The following STXBP4 variants were observed in gnomAD, a reference collection of about 807,000 sequenced individuals.
STXBP4 encodes the protein syntaxin binding protein 4.
In STXBP4, 55 loss-of-function variants were observed where a neutral mutation model predicts 76.1. The observed-to-expected ratio is 0.72, with a 90% CI of 0.58 to 0.91. The LOEUF is 0.91. Ranked by LOEUF, STXBP4 falls within the 40% of genes least tolerant of loss-of-function variation. STXBP4 has a pLI of 0.00. For missense variants in STXBP4, 618 were observed against 636.9 expected (o/e 0.97, Z 0.32); for synonymous variants, 201 against 220.2 (o/e 0.91, Z 0.77).
At position 55,169,780 on chromosome 17, in the gene STXBP4, G is replaced by A. The variant is rs2080396323; in HGVS notation, c.*9869G>A. 1 of 152,146 alleles carries A rather than the reference G, an allele frequency of 6.6e-6. No individual in the cohort carries two copies. Among genetic ancestry groups the A allele is most frequent in the African/African-American group, 2.4e-5 (1 of 41,430 alleles). 9.4% of individuals were successfully genotyped at this position (152,146 alleles called of 1,614,324 possible). A position where few individuals can be genotyped will look rare whatever the true frequency, so the allele number is the denominator to read the frequency against. ...TAAAAACCCTAACATGAAATACTTA[G>A]AAGAGATCAAGTGGTTTGTCCCTGG... On this transcript the variant is annotated 3_prime_UTR_variant, in exon 18 of 18. Coordinates refer to ENST00000376352, the MANE Select transcript of STXBP4 (RefSeq NM_178509.6).
chr17:55,139,806 G>C (rs2080075525), intron 16 of STXBP4, among the ~76,000 whole-genome samples: 1 of 152,098 alleles, frequency 6.6e-6, no homozygotes, highest in Non-Finnish European at 1.5e-5. Context: ...GAAACTTCAA[G>C]GTGGCCTGTG....
At chr17:55,175,996 T>G (rs2080428844), downstream of STXBP4, among the ~76,000 whole-genome samples, 1 of 152,194 alleles carries the variant, frequency 6.6e-6, no homozygotes. Flanking sequence ...GGGGAATAAT[T>G]GGCACAGGAG....
Position 55,013,899 on chromosome 17 carries a change from A to G in STXBP4, c.666+6302A>G, listed in dbSNP as rs1371519175. 2.6e-5 allele frequency among the ~76,000 whole-genome samples: 4 copies of G among 152,114 alleles called. No individual in the cohort carries two copies. In the South Asian group the frequency reaches 6.2e-4, roughly 24 times the overall value. On this transcript the variant is annotated intron_variant, in intron 8 of 17. Coordinates refer to ENST00000376352, the MANE Select transcript of STXBP4 (RefSeq NM_178509.6). ...AGAGTCAGGATGTACAGGGATGCAG[A>G]AAAAGACATCCTTAAGGTCCAGGAC... is the stretch of plus-strand genomic sequence containing the variant.
intron 16 of STXBP4, among the ~76,000 whole-genome samples, chr17:55,081,989 A>G (rs1298789896): frequency 6.6e-6 from 1 of 152,096 alleles, no homozygotes; most frequent in Non-Finnish European, 1.5e-5. Context: ...CCCTTTTTCT[A>G]ACTACTTCTT....
chr17:55,195,118 C>T, the STXBP4 span, among the ~76,000 whole-genome samples: 4 of 152,318 alleles, frequency 2.6e-5, no homozygotes, highest in Admixed American at 2.6e-4. Flanking sequence ...TATGGGTCAA[C>T]AGTCAGCGTG....
intron 13 of STXBP4, among the ~76,000 whole-genome samples, chr17:55,076,038 T>C (rs1048741954): frequency 1.3e-5 from 2 of 152,174 alleles, no homozygotes; most frequent in Non-Finnish European, 2.9e-5. Context: ...TAGTTGTCTT[T>C]TTCATGTAGA....
chr17:55,078,715 T>C lies in STXBP4; in HGVS notation c.1335T>C (p.Ser445=). 6 of 1,562,750 alleles carry C rather than the reference T, an allele frequency of 3.8e-6. No individual in the cohort carries two copies. The highest frequency in any genetic ancestry group is 5.3e-6 in the Non-Finnish European group (6 of 1,134,900). Reference sequence around the variant, plus strand: ...TTCAAGAAGTATTTTCTGATAATTCTACTCCTTTATCAAATTTAAGGTAAG... The same window carrying C: ...TTCAAGAAGTATTTTCTGATAATTCCACTCCTTTATCAAATTTAAGGTAAG... ...EAIQEVFSDN[S]TPLSNLSERR... The change falls in exon 15 of 18, where the codon TCT becomes TCC. Residue 445 remains serine, a synonymous_variant. Transcript: ENST00000376352.
chr17:55,126,508 T>C (rs1310800619), intron 16 of STXBP4, among the ~76,000 whole-genome samples: 1 of 151,976 alleles, frequency 6.6e-6, no homozygotes, highest in East Asian at 1.9e-4. Context: ...ATTTCTGGGG[T>C]GGTGGTAATA....
At chr17:55,128,903 C>G (rs1019061710) in intron 16 of STXBP4, among the ~76,000 whole-genome samples, 3 of 149,342 alleles carry the variant, frequency 2.0e-5, no homozygotes, top group African/African-American at 7.5e-5. Context: ...GTGTGAGCCA[C>G]TGCGTCCAGC....
Position 55,012,929 on chromosome 17 carries a change from T to C in STXBP4, c.666+5332T>C, listed in dbSNP as rs549381279. On this transcript the variant is annotated intron_variant, in intron 8 of 17. Coordinates refer to ENST00000376352, the MANE Select transcript of STXBP4 (RefSeq NM_178509.6). ...CTTCATTGTCTGGAAGAAATGTGAC[T>C]GGGTTAAGAGTTGCACAAGTGCACA... Among the ~76,000 whole-genome samples, 5 of 152,334 alleles carry C rather than the reference T, an allele frequency of 3.3e-5. No homozygotes were observed. The South Asian group carries it at 1.0e-3, about 32-fold the overall frequency.
chr17:55,125,957 G>T (rs1330292568), intron 16 of STXBP4, among the ~76,000 whole-genome samples: 1 of 152,076 alleles, frequency 6.6e-6, no homozygotes, highest in Admixed American at 6.6e-5. Context: ...AAGCTTCTGG[G>T]TCTGACCCCA....
At chr17:55,195,650 G>T in the STXBP4 span, among the ~76,000 whole-genome samples, 4 of 152,116 alleles carry the variant, frequency 2.6e-5, no homozygotes, top group African/African-American at 9.7e-5. Context: ...TGCCCAGGCT[G>T]GTCTTGAACT....
chr17:55,058,289 T>C (rs1456803028), intron 12 of STXBP4, among the ~76,000 whole-genome samples: 1 of 152,210 alleles, frequency 6.6e-6, no homozygotes, highest in African/African-American at 2.4e-5. Context: ...TTGATTTGCG[T>C]TTCTCTGATG....
In STXBP4 at chr17:55,173,051, C is replaced by T. The variant is rs935584626; in HGVS notation, c.*13140C>T. The T allele has an allele frequency of 2.7e-4, 41 of 152,242 alleles. No homozygotes were observed. The highest frequency in any genetic ancestry group is 9.2e-4 in the African/African-American group (38 of 41,464). The allele number at this position is 152,242 out of a possible 1,614,324, so 9.4% of individuals were successfully genotyped here. On this transcript the variant is annotated 3_prime_UTR_variant, in exon 18 of 18. Coordinates refer to ENST00000376352, the MANE Select transcript of STXBP4 (RefSeq NM_178509.6). Reference sequence around the variant, plus strand: ...AAGGAAAGAGAAGTAACTGTGTCTCCTTCCCCAACCATGTATGTGATACAT... The same window carrying T: ...AAGGAAAGAGAAGTAACTGTGTCTCTTTCCCCAACCATGTATGTGATACAT...
intron 16 of STXBP4, among the ~76,000 whole-genome samples, chr17:55,093,210 T>C (rs1444395757): frequency 9.2e-5 from 14 of 152,042 alleles, no homozygotes; most frequent in Admixed American, 8.5e-4. Flanking sequence ...GCCCGGCTGG[T>C]CTTGAACACA....
intron 17 of STXBP4, among the ~76,000 whole-genome samples, chr17:55,145,498 A>G (rs1398802266): frequency 6.6e-6 from 1 of 152,208 alleles, no homozygotes. Flanking sequence ...GCCTCTGGCA[A>G]GGGAATAACT....
intron 12 of STXBP4, among the ~76,000 whole-genome samples, chr17:55,054,840 G>A (rs1386039106): frequency 6.6e-6 from 1 of 151,982 alleles, no homozygotes; most frequent in African/African-American, 2.4e-5. Flanking sequence ...TTTTAACTGA[G>A]GGCATAAGGG....
chr17:55,023,128 A>G (rs1342798853), intron 8 of STXBP4, among the ~76,000 whole-genome samples: 1 of 152,228 alleles, frequency 6.6e-6, no homozygotes, highest in Non-Finnish European at 1.5e-5. Context: ...ATTTGCATAC[A>G]TGGCTATATT....
chr17:55,138,337 A>G (rs1464170021), intron 16 of STXBP4, among the ~76,000 whole-genome samples: 5 of 152,148 alleles, frequency 3.3e-5, no homozygotes, highest in African/African-American at 1.2e-4. Flanking sequence ...AATATTTGAT[A>G]CATAAATAGA....
Sources: gnomAD v4.1 joint callset for allele counts (sites outside exome capture counted in the v4.1 genomes callset) on GRCh38, gnomAD v4.1.1 for gene constraint, MANE v1.5 for transcripts, NCBI Gene and HGNC (gene_info 2026-07-23, HGNC 2026-07-21) for gene names.